Variants in GPHN observed in about 807,000 individuals in gnomAD.
GPHN encodes the protein gephyrin.
A neutral mutation model predicts 95.5 loss-of-function variants in GPHN; 17 were observed. The ratio of observed to expected loss-of-function variants is 0.18; its 90% CI spans 0.12 to 0.27. The LOEUF (loss-of-function observed/expected upper bound fraction) is 0.27. Among genes scored for constraint, GPHN ranks in the 10% least tolerant of loss-of-function variants. GPHN has a pLI of 1.00. For synonymous variants in GPHN, 320 were observed against 322.5 expected (o/e 0.99, Z 0.08); for missense variants, 660 against 978.1 (o/e 0.67, Z 4.34).
the GPHN span, among the ~76,000 whole-genome samples, chr14:67,564,885 A>G: frequency 6.6e-6 from 1 of 151,824 alleles, no homozygotes; most frequent in Non-Finnish European, 1.5e-5. Flanking sequence ...ATGGGCTAAC[A>G]CTATGCTGTT....
At chr14:66,539,620 C>T (rs1054575871) in intron 1 of GPHN, among the ~76,000 whole-genome samples, 3 of 146,608 alleles carry the variant, frequency 2.0e-5, no homozygotes, top group Non-Finnish European at 4.5e-5. Flanking sequence ...GGTCAGGCTT[C>T]GTGTTGGTCA....
In GPHN at chr14:67,064,180, A is replaced by G. The variant is rs1255461258; in HGVS notation, c.1144+5394A>G. Among the ~76,000 whole-genome samples the G allele has an allele frequency of 2.0e-5, 3 of 152,178 alleles. 1 individual carries two copies. The South Asian group carries it at 6.2e-4, about 32-fold the overall frequency. On this transcript the variant is annotated intron_variant, in intron 11 of 22. Coordinates refer to ENST00000478722, the MANE Select transcript of GPHN (RefSeq NM_020806.5). ...TTTGTCGAAGGCCTTTTCTGCATCTATTGAGATAATCATGTGGTTTTTGTC... is the reference window on the plus strand; with the variant it reads ...TTTGTCGAAGGCCTTTTCTGCATCTGTTGAGATAATCATGTGGTTTTTGTC...
chr14:67,669,240 A>G, the GPHN span, among the ~76,000 whole-genome samples: 5 of 151,260 alleles, frequency 3.3e-5, no homozygotes, highest in Admixed American at 6.6e-5. Flanking sequence ...ATTATACTAT[A>G]TGGCCTCTCA....
At chr14:67,345,801 T>G in the GPHN span, 2 of 1,613,996 alleles carry the variant, frequency 1.2e-6, no homozygotes, top group Non-Finnish European at 1.7e-6. Flanking sequence ...GTAGTTCCAC[T>G]GCTTTGGCAT....
the GPHN span, chr14:67,584,188 C>G: frequency 6.4e-7 from 1 of 1,556,488 alleles, no homozygotes. Context: ...CATGTTTGAG[C>G]CATACCAATT....
chr14:67,646,780 C>T, the GPHN span: 1 of 1,532,998 alleles, frequency 6.5e-7, no homozygotes, highest in South Asian at 1.1e-5. Flanking sequence ...CCTGTCCTAG[C>T]CAATTATGTT....
chr14:67,302,136 T>G, the GPHN span: 1 of 1,581,372 alleles, frequency 6.3e-7, no homozygotes, highest in Non-Finnish European at 8.6e-7. Flanking sequence ...TCCCACATAC[T>G]GTTTTTAAAC....
At chr14:67,094,393 G>A (rs1044329469) in intron 12 of GPHN, among the ~76,000 whole-genome samples, 25 of 152,092 alleles carry the variant, frequency 1.6e-4, no homozygotes, top group Middle Eastern at 3.2e-3. Flanking sequence ...TTAGGGTTTG[G>A]TTTATATTGC....
the GPHN span, chr14:67,569,199 G>A: frequency 6.2e-7 from 1 of 1,611,942 alleles, no homozygotes; most frequent in South Asian, 1.1e-5. Context: ...TCTCCCAGAA[G>A]TAATACTGCA....
chr14:67,218,114 G>A, the GPHN span, among the ~76,000 whole-genome samples: 29 of 152,252 alleles, frequency 1.9e-4, no homozygotes, highest in African/African-American at 6.0e-4. Flanking sequence ...CCAGGGGTAG[G>A]CTCACCAGGC....
At chr14:67,372,875 A>C in the GPHN span, among the ~76,000 whole-genome samples, 25 of 152,100 alleles carry the variant, frequency 1.6e-4, no homozygotes, top group Non-Finnish European at 1.0e-4. Flanking sequence ...CTAAACCATC[A>C]ATTTTTAAAG....
At chr14:67,638,971 T>C in the GPHN span, among the ~76,000 whole-genome samples, 3 of 152,278 alleles carry the variant, frequency 2.0e-5, no homozygotes, top group East Asian at 3.9e-4. Flanking sequence ...TCGGAGTAAA[T>C]GGAGTTGGAC....
At chr14:66,532,057 G>A (rs991080438) in intron 1 of GPHN, among the ~76,000 whole-genome samples, 2 of 152,186 alleles carry the variant, frequency 1.3e-5, no homozygotes, top group African/African-American at 2.4e-5. Flanking sequence ...GCTGTAGTTT[G>A]CCAACTCCTA....
the GPHN span, among the ~76,000 whole-genome samples, chr14:67,599,842 A>T: frequency 0.4 from 60,810 of 151,966 alleles, 12,487 homozygotes; most frequent in Non-Finnish European, 0.43. Context: ...ATTTCACTAA[A>T]CGTCATTTAA....
chr14:66,650,940 C>T (rs1344132060), intron 1 of GPHN, among the ~76,000 whole-genome samples: 1 of 152,166 alleles, frequency 6.6e-6, no homozygotes, highest in African/African-American at 2.4e-5. Context: ...AAAAATGTCA[C>T]CTGAACTTAA....
At chr14:67,205,900 A>G in the GPHN span, among the ~76,000 whole-genome samples, 4 of 152,170 alleles carry the variant, frequency 2.6e-5, no homozygotes, top group African/African-American at 9.7e-5. Flanking sequence ...ACAATAGAAA[A>G]AAGTCTGGTG....
chr14:66,579,636 G>T (rs2061071349), intron 1 of GPHN, among the ~76,000 whole-genome samples: 1 of 151,608 alleles, frequency 6.6e-6, no homozygotes, highest in Non-Finnish European at 1.5e-5. Flanking sequence ...TAAAAGTGTT[G>T]GTTAATCAAG....
chr14:67,182,792 G>A (rs926549146), downstream of GPHN, among the ~76,000 whole-genome samples: 4 of 151,198 alleles, frequency 2.6e-5, no homozygotes, highest in African/African-American at 9.7e-5. Context: ...TTTAAGGGTT[G>A]GAAGAATTCA....
chr14:67,152,628 T>C (rs2081346813), intron 18 of GPHN, among the ~76,000 whole-genome samples: 1 of 152,202 alleles, frequency 6.6e-6, no homozygotes, highest in Non-Finnish European at 1.5e-5. Context: ...AATAATCAAT[T>C]ACATCTCCAC....
Sources: allele counts gnomAD v4.1 joint callset (sites outside exome capture counted in the v4.1 genomes callset), GRCh38; gene constraint gnomAD v4.1.1; transcripts MANE v1.5; gene names NCBI Gene and HGNC (gene_info 2026-07-23, HGNC 2026-07-21).